The following VCAN variants were observed in gnomAD, a reference collection of about 807,000 sequenced individuals.
The protein encoded by VCAN is versican core protein.
VCAN carries 44 observed loss-of-function variants against 245.5 expected under a neutral mutation model. The observed-to-expected ratio is 0.18, with a 90% CI of 0.14 to 0.23. The LOEUF is 0.23. Ranked by LOEUF, VCAN falls within the 10% of genes least tolerant of loss-of-function variation. The pLI is 1.00. For missense variants in VCAN, 3,793 were observed against 4,057.9 expected, an observed-to-expected ratio of 0.93 and a Z score of 1.77; for synonymous variants, 1,413 against 1,437.0, an observed-to-expected ratio of 0.98 and a Z score of 0.38.
Position 83,549,760 on chromosome 5 carries a change from A to AT in VCAN, c.9493+1683dup, listed in dbSNP as rs903489003. Among the ~76,000 whole-genome samples, 8 of 152,028 alleles carry AT rather than the reference A, an allele frequency of 5.3e-5. No individual in the cohort carries two copies. The South Asian group carries it at 6.2e-4, about 12-fold the overall frequency. Reference sequence around the variant, plus strand: ...TCAAGCAAGTTTGATTTTCATGCACATTTTTTTGCTGAGAAACATCGATCT... The same window carrying AT: ...TCAAGCAAGTTTGATTTTCATGCACATTTTTTTTGCTGAGAAACATCGATCT... On this transcript the variant is annotated intron_variant, in intron 10 of 14. Coordinates refer to ENST00000265077, the MANE Select transcript of VCAN (RefSeq NM_004385.5).
rs1747182987 is a variant in VCAN, at chr5:83,545,658, G to A, written c.9379+8G>A. 1 of 1,605,180 alleles carries A rather than the reference G, an allele frequency of 6.2e-7. No individual in the cohort carries two copies. The highest frequency in any genetic ancestry group is 1.3e-5 in the African/African-American group (1 of 74,684). ...GAGACCAGTGTGAACTTGGTAAGAT[G>A]GTACTTGGCTGAAAAGGTGCAGTTC... On this transcript the variant is annotated splice_region_variant and intron_variant, in intron 9 of 14. Coordinates refer to ENST00000265077, the MANE Select transcript of VCAN (RefSeq NM_004385.5).
intron 7 of VCAN, 32 bp downstream of exon 7, chr5:83,522,341 G>A (rs780550796): frequency 2.5e-6 from 4 of 1,593,488 alleles, no homozygotes; most frequent in Non-Finnish European, 3.4e-6. Flanking sequence ...TAGCATTGAA[G>A]GCAATCCTCA....
At chr5:83,495,352 C>T (rs1417822689) in intron 5 of VCAN, among the ~76,000 whole-genome samples, 1 of 152,144 alleles carries the variant, frequency 6.6e-6, no homozygotes, top group Non-Finnish European at 1.5e-5. Context: ...AAAAAGGGTG[C>T]TTAGGTGTGG....
At chr5:83,528,097 G>T (rs1746369140) in intron 7 of VCAN, among the ~76,000 whole-genome samples, 2 of 152,196 alleles carry the variant, frequency 1.3e-5, no homozygotes, top group South Asian at 4.1e-4. Context: ...CATAGGCTGT[G>T]CTCCAAAGGC....
intron 12 of VCAN, among the ~76,000 whole-genome samples, chr5:83,568,562 G>A (rs1323742344): frequency 6.6e-6 from 1 of 152,110 alleles, no homozygotes; most frequent in Non-Finnish European, 1.5e-5. Flanking sequence ...TCTCATTTCA[G>A]TGTGAAAATG....
rs570642989 is a variant in VCAN, at chr5:83,558,364, A to C, written c.9735+3326A>C. ...GAATGGTGTTAACTTGACTGTGTGC[A>C]GTTTTAAGGACTTTGTTTATGTTTT... On this transcript the variant is annotated intron_variant, in intron 12 of 14. Transcript: ENST00000265077. Among the ~76,000 whole-genome samples, 4 of 152,270 alleles carry C rather than the reference A, an allele frequency of 2.6e-5. No homozygotes were observed. The East Asian group carries it at 7.7e-4, about 29-fold the overall frequency.
chr5:83,568,272 G>C (rs969921232), intron 12 of VCAN, among the ~76,000 whole-genome samples: 8 of 152,208 alleles, frequency 5.3e-5, no homozygotes, highest in African/African-American at 1.7e-4. Flanking sequence ...CAAAATCAAA[G>C]CATCCTAGCC....
In VCAN at chr5:83,509,087, A is replaced by G. The variant is rs916397124; in HGVS notation, c.749-3016A>G. Among the ~76,000 whole-genome samples, 218 of 145,482 alleles carry G rather than the reference A, an allele frequency of 1.5e-3. 2 individuals are homozygous for G. The highest frequency in any genetic ancestry group is 6.7e-4 in the Non-Finnish European group (44 of 65,794). On this transcript the variant is annotated intron_variant, in intron 5 of 14. Transcript: ENST00000265077. ...GAAAAGAAAGAAAGAAAGAAAGAGA[A>G]AGAAAGAAGGAAGGAAGGAAGGAAA... is the stretch of plus-strand genomic sequence containing the variant.
chr5:83,513,744 C>T (rs1015221368), intron 6 of VCAN, among the ~76,000 whole-genome samples: 7 of 152,128 alleles, frequency 4.6e-5, no homozygotes, highest in Admixed American at 3.9e-4. Context: ...ATGTACATTC[C>T]TTTAAGCTAC....
chr5:83,545,774 A>G, intron 9 of VCAN, 124 bp downstream of exon 9: 1 of 826,754 alleles, frequency 1.2e-6, no homozygotes, highest in Non-Finnish European at 2.1e-6. Context: ...TATATGTTAA[A>G]TGAAGTTAAA....
intron 1 of VCAN, among the ~76,000 whole-genome samples, chr5:83,480,629 T>C (rs1033639530): frequency 3.3e-5 from 5 of 152,204 alleles, no homozygotes; most frequent in Non-Finnish European, 7.3e-5. Context: ...AGAAATATTG[T>C]GGGAATTATT....
At chr5:83,505,652 T>A (rs1040728558) in intron 5 of VCAN, among the ~76,000 whole-genome samples, 3 of 152,180 alleles carry the variant, frequency 2.0e-5, no homozygotes, top group African/African-American at 7.2e-5. Context: ...TCTACCATTC[T>A]GGGTTCTGGA....
At chr5:83,551,221 C>T (rs1033103327) in intron 10 of VCAN, among the ~76,000 whole-genome samples, 3 of 151,732 alleles carry the variant, frequency 2.0e-5, no homozygotes, top group African/African-American at 7.3e-5. Flanking sequence ...ATTTAGAAGA[C>T]AAAAAGGGGC....
chr5:83,495,549 T>TA (rs1745131596), intron 5 of VCAN, among the ~76,000 whole-genome samples: 1 of 152,196 alleles, frequency 6.6e-6, no homozygotes, highest in African/African-American at 2.4e-5. Context: ...TTAATTGATT[T>TA]AAAAAATAGA....
At chr5:83,477,708 C>T (rs1219996149) in intron 1 of VCAN, among the ~76,000 whole-genome samples, 1 of 151,988 alleles carries the variant, frequency 6.6e-6, no homozygotes, top group African/African-American at 2.4e-5. Context: ...ATTTGAGAGA[C>T]AAAAAGCTAA....
chr5:83,528,188 C>T (rs1290401925), intron 7 of VCAN, among the ~76,000 whole-genome samples: 1 of 152,076 alleles, frequency 6.6e-6, no homozygotes, highest in Non-Finnish European at 1.5e-5. Flanking sequence ...TATGGTGTGA[C>T]AGATTGTGAA....
chr5:83,554,781 G>A (rs1418552989), intron 11 of VCAN, among the ~76,000 whole-genome samples, 175 bp from the exon 12 acceptor site: 1 of 152,114 alleles, frequency 6.6e-6, no homozygotes, highest in Non-Finnish European at 1.5e-5. Flanking sequence ...TTCATTTAAA[G>A]CACATTGGGC....
chr5:83,508,941 A>G (rs1389501728), intron 5 of VCAN, among the ~76,000 whole-genome samples: 4 of 152,186 alleles, frequency 2.6e-5, no homozygotes, highest in Non-Finnish European at 5.9e-5. Flanking sequence ...GCTGGAGGCA[A>G]GGAAGTTGAG....
chr5:83,509,333 T>C (rs1346538440), intron 5 of VCAN, among the ~76,000 whole-genome samples: 4 of 152,226 alleles, frequency 2.6e-5, no homozygotes, highest in South Asian at 4.1e-4. Flanking sequence ...GAATTCTCTT[T>C]GTAACAGGCC....
Sources: gnomAD v4.1 joint callset for allele counts (sites outside exome capture counted in the v4.1 genomes callset) on GRCh38, gnomAD v4.1.1 for gene constraint, MANE v1.5 for transcripts, NCBI Gene and HGNC (gene_info 2026-07-23, HGNC 2026-07-21) for gene names.